HORMAD2: variants seen among roughly 807,000 people sequenced by gnomAD.
HORMAD2 encodes HORMA domain-containing protein 2.
A neutral mutation model predicts 38.8 loss-of-function variants in HORMAD2; 45 were observed. The ratio of observed to expected loss-of-function variants is 1.16; its 90% CI spans 0.91 to 1.49. The LOEUF (loss-of-function observed/expected upper bound fraction) is 1.49. Ranked by LOEUF, HORMAD2 falls within the 40% of genes most tolerant of loss-of-function variation. The probability of loss-of-function intolerance (pLI) is 0.00; values close to 1 mark genes in which losing one functional copy is unlikely to be tolerated. For missense variants in HORMAD2, 338 were observed against 367.0 expected, an observed-to-expected ratio of 0.92 and a Z score of 0.65; for synonymous variants, 126 against 122.8, an observed-to-expected ratio of 1.03 and a Z score of -0.17.
Position 30,104,717 on chromosome 22 carries a change from G to C in HORMAD2, c.294+280G>C, listed in dbSNP as rs78937266. 2,139 of 285,712 alleles carry C rather than the reference G, an allele frequency of 7.5e-3. 46 individuals carry two copies. The highest frequency in any genetic ancestry group is 0.044 in the African/African-American group (2,018 of 45,668). 17.7% of individuals were successfully genotyped at this position (285,712 alleles called of 1,614,324 possible). On this transcript the variant is annotated intron_variant, in intron 5 of 10. Coordinates refer to ENST00000336726, the MANE Select transcript of HORMAD2 (RefSeq NM_152510.4). The stretch of plus-strand genomic sequence containing the variant: ...GAGATCCACAGGATGTGGGACAGGA[G>C]AGACAAGAATCTGGCATTTAGTGCA...
intron 7 of HORMAD2, among the ~76,000 whole-genome samples, chr22:30,117,571 C>G (rs1298379301): frequency 6.6e-6 from 1 of 151,854 alleles, no homozygotes; most frequent in Non-Finnish European, 1.5e-5. Context: ...TGCAGAGGAA[C>G]AGTCTAGGCT....
the HORMAD2 span, among the ~76,000 whole-genome samples, chr22:30,183,355 G>C: frequency 3.3e-5 from 5 of 152,244 alleles, no homozygotes; most frequent in East Asian, 9.6e-4. Flanking sequence ...TTTGCCGCCA[G>C]CCCACCCTCC....
chr22:30,083,685 G>A (rs140385579), intron 1 of HORMAD2, among the ~76,000 whole-genome samples: 2,725 of 152,050 alleles, frequency 0.018, 82 homozygotes, highest in African/African-American at 0.063. Flanking sequence ...GTGCAATCTC[G>A]GCTCACTGCA....
chr22:30,193,520 A>G, the HORMAD2 span, among the ~76,000 whole-genome samples: 4 of 152,206 alleles, frequency 2.6e-5, no homozygotes, highest in Non-Finnish European at 4.4e-5. Flanking sequence ...CCTGCATTTC[A>G]TGAAGTGGTC....
rs756245115 is a variant in HORMAD2, at chr22:30,118,988, T to C, written c.351T>C (p.Thr117=). ...YTDPMGSEKV[T]EMYQFKFKYT... ...TCCTTTGGTTTTTGTAGAAGGTGAC[T>C]GAGATGTACCAGTTCAAATTCAAAT... Residue 117 remains threonine, a synonymous_variant, in exon 8 of 11, where the codon ACT becomes ACC. Transcript: ENST00000336726. 48 of 1,583,214 alleles carry C rather than the reference T, an allele frequency of 3.0e-5. No homozygotes were observed. The Admixed American group carries it at 3.2e-4, about 11-fold the overall frequency.
chr22:30,087,792 A>G (rs2068596937), intron 1 of HORMAD2, among the ~76,000 whole-genome samples: 1 of 152,136 alleles, frequency 6.6e-6, no homozygotes, highest in Non-Finnish European at 1.5e-5. Flanking sequence ...TACTATTGCA[A>G]GAACTGCACT....
chr22:30,091,252 TTCTC>T (rs1221151970), intron 1 of HORMAD2, among the ~76,000 whole-genome samples: 16 of 145,758 alleles, frequency 1.1e-4, no homozygotes, highest in Middle Eastern at 3.4e-3. Flanking sequence ...CTCTCTTTCT[TTCTC>T]TCTTTCTTTC....
At chr22:30,147,283 A>G (rs1012189402) in intron 10 of HORMAD2, among the ~76,000 whole-genome samples, 1 of 152,194 alleles carries the variant, frequency 6.6e-6, no homozygotes, top group African/African-American at 2.4e-5. Context: ...ATAGACATAT[A>G]GATCAGTGGA....
chr22:30,188,533 G>A, the HORMAD2 span, among the ~76,000 whole-genome samples: 1 of 152,198 alleles, frequency 6.6e-6, no homozygotes, highest in Non-Finnish European at 1.5e-5. Flanking sequence ...GGCCCTCTCT[G>A]GGAATTACTT....
chr22:30,191,414 T>C, the HORMAD2 span, among the ~76,000 whole-genome samples: 2 of 152,180 alleles, frequency 1.3e-5, no homozygotes, highest in African/African-American at 4.8e-5. Context: ...GGGCTCCTTC[T>C]ATGAGTGCTG....
chr22:30,087,819 A>G (rs2074715834), intron 1 of HORMAD2, among the ~76,000 whole-genome samples: 1 of 152,172 alleles, frequency 6.6e-6, no homozygotes, highest in Admixed American at 6.5e-5. Flanking sequence ...ATAGTGCTAA[A>G]CCATTCATGA....
chr22:30,129,416 TTAAC>T (rs1923126156), intron 10 of HORMAD2, among the ~76,000 whole-genome samples: 1 of 151,940 alleles, frequency 6.6e-6, no homozygotes, highest in African/African-American at 2.4e-5. Context: ...AGAAATAATA[TTAAC>T]TAACAATTTC....
intron 1 of HORMAD2, among the ~76,000 whole-genome samples, chr22:30,092,431 A>C (rs377175768): frequency 1.3e-5 from 2 of 150,388 alleles, no homozygotes; most frequent in Middle Eastern, 3.4e-3. Flanking sequence ...ATAGTTTTCA[A>C]ATGTTTTCTC....
intron 10 of HORMAD2, among the ~76,000 whole-genome samples, chr22:30,138,499 C>T (rs1923827293): frequency 6.6e-6 from 1 of 151,902 alleles, no homozygotes; most frequent in African/African-American, 2.4e-5. Context: ...GGTCATTTGT[C>T]CTTTTATTAC....
At chr22:30,102,297 C>G (rs1021465770) in intron 3 of HORMAD2, among the ~76,000 whole-genome samples, 2 of 152,142 alleles carry the variant, frequency 1.3e-5, no homozygotes, top group African/African-American at 2.4e-5. Context: ...TGATAATAAG[C>G]ACATATTGTG....
At chr22:30,093,003 T>C (rs1253963480) in intron 1 of HORMAD2, among the ~76,000 whole-genome samples, 2 of 152,096 alleles carry the variant, frequency 1.3e-5, no homozygotes, top group Non-Finnish European at 2.9e-5. Context: ...ATTTTAGGAG[T>C]TTTTTTCCGT....
At chr22:30,090,242 A>G (rs1236913717) in intron 1 of HORMAD2, among the ~76,000 whole-genome samples, 1 of 152,184 alleles carries the variant, frequency 6.6e-6, no homozygotes, top group Non-Finnish European at 1.5e-5. Context: ...AAATGCTTGT[A>G]GTCCCAGCTA....
At chr22:30,152,052 T>A (rs769189443) in intron 10 of HORMAD2, among the ~76,000 whole-genome samples, 68 of 152,288 alleles carry the variant, frequency 4.5e-4, no homozygotes, top group Non-Finnish European at 7.8e-4. Flanking sequence ...CTATTTGCTG[T>A]ACCCCCCTTA....
downstream of HORMAD2, among the ~76,000 whole-genome samples, chr22:30,179,823 C>T (rs12167333): frequency 0.21 from 31,481 of 152,088 alleles, 3,785 homozygotes; most frequent in Middle Eastern, 0.38. Context: ...AGGGCTTTTT[C>T]CTGTGTTATA....
Sources: gnomAD v4.1 joint callset for allele counts (sites outside exome capture counted in the v4.1 genomes callset) on GRCh38, gnomAD v4.1.1 for gene constraint, MANE v1.5 for transcripts, NCBI Gene and HGNC (gene_info 2026-07-23, HGNC 2026-07-21) for gene names.